The following ABR variants were observed in gnomAD, a reference collection of about 807,000 sequenced individuals.
ABR encodes ABR activator of RhoGEF and GTPase.
ABR carries 35 observed loss-of-function variants against 107.2 expected under a neutral mutation model. The ratio of observed to expected loss-of-function variants is 0.33; its 90% CI spans 0.25 to 0.43. The LOEUF (loss-of-function observed/expected upper bound fraction) is 0.43, where lower values mean the gene tolerates loss of function less well. Among genes scored for constraint, ABR ranks in the 20% least tolerant of loss-of-function variants. The probability of loss-of-function intolerance (pLI) is 1.00; values close to 1 mark genes in which losing one functional copy is unlikely to be tolerated. For missense variants in ABR, 815 were observed against 1,115.2 expected (o/e 0.73, Z 3.83); for synonymous variants, 498 against 462.0 (o/e 1.08, Z -1.00).
At chr17:1,173,313 C>CA (rs1433214800) in intron 1 of ABR, among the ~76,000 whole-genome samples, 10 of 23,278 alleles carry the variant, frequency 4.3e-4, no homozygotes, top group Non-Finnish European at 8.2e-4. Context: ...TCCACCCCCC[C>CA]CATCACCTCA....
At chr17:1,146,252 C>T (rs2040516869) in intron 1 of ABR, among the ~76,000 whole-genome samples, 1 of 119,162 alleles carries the variant, frequency 8.4e-6, no homozygotes. Context: ...TCCACGCAGG[C>T]ACATGGAGAC....
chr17:1,201,115 G>T (rs1247805636), intron 1 of ABR, among the ~76,000 whole-genome samples: 1 of 152,252 alleles, frequency 6.6e-6, no homozygotes, highest in African/African-American at 2.4e-5. Context: ...CAGAGGAGCA[G>T]CCGGGGAGGC....
At position 1,040,662 on chromosome 17, in the gene ABR, T is replaced by TG. The variant is rs202130184; in HGVS notation, c.1791+9387dup. The stretch of plus-strand genomic sequence containing the variant: ...GACACCCAGAACCACTGGAAGGGGG[T>TG]GGGGGACAGGGTGCCTGAACCCGCC... On this transcript the variant is annotated intron_variant, in intron 16 of 22. Coordinates refer to ENST00000302538, the MANE Select transcript of ABR (RefSeq NM_021962.5). Among the ~76,000 whole-genome samples the TG allele has an allele frequency of 4.9e-3, 745 of 151,930 alleles. 1 individual carries two copies. The highest frequency in any genetic ancestry group is 8.0e-3 in the Non-Finnish European group (543 of 67,956).
intron 10 of ABR, among the ~76,000 whole-genome samples, chr17:1,063,404 A>C (rs2920405): frequency 0.016 from 1,925 of 123,792 alleles, 507 homozygotes; most frequent in Non-Finnish European, 0.023. Context: ...ACGTGAACTG[A>C]GGGCTATGCA....
intron 1 of ABR, among the ~76,000 whole-genome samples, chr17:1,169,332 T>C (rs1360034091): frequency 2.0e-5 from 3 of 152,166 alleles, no homozygotes; most frequent in Non-Finnish European, 2.9e-5. Flanking sequence ...CTTTCATAGG[T>C]TTACTGTGAA....
Position 1,037,970 on chromosome 17 carries a change from AG to A in ABR, c.1791+12079del, listed in dbSNP as rs1396588382. ...CTCCGGTGAGATTTCTTTTCTGCTGAGGACGCACCCCTGCCGTTTTTTCCAA... is the reference window on the plus strand; with the variant it reads ...CTCCGGTGAGATTTCTTTTCTGCTGAGACGCACCCCTGCCGTTTTTTCCAA... On this transcript the variant is annotated intron_variant, in intron 16 of 22. Transcript: ENST00000302538. The surrounding 1 kb of genome is among the most constrained non-coding windows in gnomAD (Gnocchi z 4.6). Among the ~76,000 whole-genome samples the A allele has an allele frequency of 1.3e-5, 2 of 152,156 alleles. No individual in the cohort carries two copies. Among genetic ancestry groups the A allele is most frequent in the African/African-American group, 4.8e-5 (2 of 41,424 alleles).
chr17:1,170,989 C>G (rs2041689758), intron 1 of ABR, among the ~76,000 whole-genome samples: 1 of 152,030 alleles, frequency 6.6e-6, no homozygotes, highest in Non-Finnish European at 1.5e-5. Flanking sequence ...AGAGGGGTCT[C>G]TCTCCTAAAA....
At chr17:1,160,115 C>A (rs972248848) in intron 1 of ABR, among the ~76,000 whole-genome samples, 1 of 152,094 alleles carries the variant, frequency 6.6e-6, no homozygotes, top group Non-Finnish European at 1.5e-5. Context: ...AGGAGCAGAG[C>A]CCTGGGGTCT....
chr17:1,214,230 C>T (rs1244252761), intron 1 of ABR, among the ~76,000 whole-genome samples: 3 of 151,754 alleles, frequency 2.0e-5, no homozygotes, highest in African/African-American at 7.3e-5. Context: ...CCGCCCCCCA[C>T]CACCACCTTA....
chr17:1,070,195 C>T lies in ABR; in HGVS notation c.895-105G>A, dbSNP rs374292321. The stretch of plus-strand genomic sequence containing the variant: ...AGCCAGGGAGGACTGGACCGAGAGG[C>T]GGCATAGCCTGTCATCCCTTAACCA... On this transcript the variant is annotated intron_variant, in intron 8 of 22. Coordinates refer to ENST00000302538, the MANE Select transcript of ABR (RefSeq NM_021962.5). This position sits in a 1 kb window ranked among gnomAD's most constrained non-coding sequence, Gnocchi z 4.2. The T allele has an allele frequency of 2.0e-6, 3 of 1,469,828 alleles. No homozygotes were observed. Among genetic ancestry groups the T allele is most frequent in the South Asian group, 1.3e-5 (1 of 79,492 alleles). The allele number at this position is 1,469,828 out of a possible 1,614,324, so 91.0% of individuals were successfully genotyped here.
intron 1 of ABR, among the ~76,000 whole-genome samples, chr17:1,206,866 C>T (rs768784229): frequency 6.6e-6 from 1 of 152,166 alleles, no homozygotes; most frequent in African/African-American, 2.4e-5. Flanking sequence ...GGGTGGATCA[C>T]CTGAGGCCAG....
intron 6 of ABR, chr17:1,079,052 A>T: frequency 2.0e-6 from 1 of 489,486 alleles, no homozygotes; most frequent in East Asian, 7.8e-5. Flanking sequence ...GGGAAGGGGA[A>T]GGGGAGGAGG....
chr17:1,053,334 G>T lies in ABR; in HGVS notation c.1562-2700C>A, dbSNP rs1294447470. Among the ~76,000 whole-genome samples, 84 of 89,192 alleles carry T rather than the reference G, an allele frequency of 9.4e-4. 1 individual carries two copies. The highest frequency in any genetic ancestry group is 3.7e-3 in the African/African-American group (80 of 21,480). 58.5% of individuals were successfully genotyped at this position (89,192 alleles called of 152,430 possible). ...GAGGGTTCACAGGGTCAGAGGGAGG[G>T]TTCGAGAAGGGGCTGGGGGAGGGCT... is the stretch of plus-strand genomic sequence containing the variant. On this transcript the variant is annotated intron_variant, in intron 14 of 22. Coordinates refer to ENST00000302538, the MANE Select transcript of ABR (RefSeq NM_021962.5).
Position 1,215,600 on chromosome 17 carries a change from T to A in ABR, c.838+13193A>T, listed in dbSNP as rs2042985767. ...ATCTCGGCTCACTATAACCTCCACC[T>A]CCTAGCCGCCTGCCTTGGCCTCCCA... is the stretch of plus-strand genomic sequence containing the variant. On this transcript the variant is annotated intron_variant, in intron 1 of 22. Coordinates refer to the ABR transcript ENST00000574139. 3.3e-5 allele frequency among the ~76,000 whole-genome samples: 5 copies of A among 152,082 alleles called. No individual in the cohort carries two copies. The South Asian group carries it at 8.3e-4, about 25-fold the overall frequency.
chr17:1,031,718 G>T (rs770446352), intron 16 of ABR: 21 of 1,246,560 alleles, frequency 1.7e-5, no homozygotes, highest in Non-Finnish European at 3.0e-6. Context: ...GGCTGCAGTC[G>T]GGCTGGGGCA....
intron 6 of ABR, among the ~76,000 whole-genome samples, chr17:1,075,066 G>A (rs920284319): frequency 4.6e-5 from 7 of 152,266 alleles, no homozygotes; most frequent in Non-Finnish European, 8.8e-5. Context: ...GGAGGACGCA[G>A]GCAAGGCCAG....
intron 16 of ABR, among the ~76,000 whole-genome samples, chr17:1,044,349 C>A (rs1408254370): frequency 6.6e-6 from 1 of 152,204 alleles, no homozygotes; most frequent in Non-Finnish European, 1.5e-5. Context: ...GGATTAAACG[C>A]CCTCTAAGAT....
In ABR at chr17:1,084,171, G is replaced by T. The variant is rs542233783; in HGVS notation, c.532-544C>A. Among the ~76,000 whole-genome samples, 1 of 152,342 alleles carries T rather than the reference G, an allele frequency of 6.6e-6. No individual in the cohort carries two copies. Among genetic ancestry groups the T allele is most frequent in the South Asian group, 2.1e-4 (1 of 4,834 alleles). On this transcript the variant is annotated intron_variant, in intron 4 of 22. Coordinates refer to ENST00000302538, the MANE Select transcript of ABR (RefSeq NM_021962.5). The surrounding 1 kb of genome is among the most constrained non-coding windows in gnomAD (Gnocchi z 4.2). ...CACTTTGGGAGGCCTGAGGTCAGGAGTTCCAGACCAGCCTGGCCAACATGG... is the reference window on the plus strand; with the variant it reads ...CACTTTGGGAGGCCTGAGGTCAGGATTTCCAGACCAGCCTGGCCAACATGG...
chr17:1,175,569 G>A (rs2041890665), intron 1 of ABR, among the ~76,000 whole-genome samples: 1 of 152,172 alleles, frequency 6.6e-6, no homozygotes, highest in African/African-American at 2.4e-5. Flanking sequence ...CACTCCACAG[G>A]GAAAGGACTC....
Sources: gnomAD v4.1 joint callset for allele counts (sites outside exome capture counted in the v4.1 genomes callset) on GRCh38, gnomAD v4.1.1 for gene constraint, Gnocchi (gnomAD v3.1) non-coding constraint, MANE v1.5 for transcripts, NCBI Gene and HGNC (gene_info 2026-07-23, HGNC 2026-07-21) for gene names.